The following TCF7 variants were observed in gnomAD, a reference collection of about 807,000 sequenced individuals.
TCF7 encodes T-cell-factor-7.
TCF7 carries 19 observed loss-of-function variants against 46.8 expected under a neutral mutation model. The observed-to-expected ratio is 0.41, with a 90% CI of 0.28 to 0.60. TCF7 has a LOEUF of 0.60. Among genes scored for constraint, TCF7 ranks in the 20% least tolerant of loss-of-function variants. The pLI, the probability that TCF7 is intolerant of heterozygous loss-of-function variation, is 0.35. For synonymous variants in TCF7, 245 were observed against 213.4 expected (o/e 1.15, Z -1.29); for missense variants, 547 against 504.6 (o/e 1.08, Z -0.81).
chr5:134,110,329 G>T (rs574103743), upstream of TCF7, among the ~76,000 whole-genome samples: 10 of 152,332 alleles, frequency 6.6e-5, 1 homozygote, highest in South Asian at 2.1e-3. Context: ...ACCCACAGAA[G>T]AGTCCTTCCT....
At chr5:134,124,214 A>G (rs563754623) in intron 3 of TCF7, among the ~76,000 whole-genome samples, 1 of 152,072 alleles carries the variant, frequency 6.6e-6, no homozygotes, top group African/African-American at 2.4e-5. Flanking sequence ...AAACCAGGAC[A>G]TTGTCAGCTT....
chr5:134,125,136 C>T (rs897887031), intron 3 of TCF7, among the ~76,000 whole-genome samples: 2 of 152,160 alleles, frequency 1.3e-5, no homozygotes, highest in Admixed American at 1.3e-4. Context: ...CCCCACCAGG[C>T]AAGAAGGGGT....
chr5:134,109,912 C>T (rs1405482813), upstream of TCF7, among the ~76,000 whole-genome samples: 2 of 152,200 alleles, frequency 1.3e-5, no homozygotes, highest in African/African-American at 2.4e-5. Context: ...CTGGCACTCC[C>T]GACCCCTTGG....
intron 4 of TCF7, chr5:134,138,575 T>G: frequency 3.6e-6 from 1 of 279,340 alleles, no homozygotes; most frequent in Non-Finnish European, 6.8e-6. Flanking sequence ...GACTCAACCC[T>G]GGGGGGCAGG....
At position 134,145,910 on chromosome 5, in the gene TCF7, T is replaced by C. The variant is rs1760627039; in HGVS notation, c.1076-314T>C. 8 of 1,532,610 alleles carry C rather than the reference T, an allele frequency of 5.2e-6. No homozygotes were observed. In the South Asian group the frequency reaches 9.7e-5, roughly 19 times the overall value. 94.9% of individuals were successfully genotyped at this position (1,532,610 alleles called of 1,614,324 possible). A position where few individuals can be genotyped will look rare whatever the true frequency, so the allele number is the denominator to read the frequency against. ...GTCCCACAAACACATCTGGAGAAGC[T>C]CAAAGGCCGGGACTGGGAGATGACT... On this transcript the variant is annotated intron_variant, in intron 9 of 9. Transcript: ENST00000342854.
chr5:134,146,004 GC>G lies in TCF7; in HGVS notation c.1076-216del, dbSNP rs1406058360. The G allele has an allele frequency of 8.1e-6, 12 of 1,484,462 alleles. No homozygotes were observed. In the South Asian group the frequency reaches 1.4e-4, roughly 17 times the overall value. 92.0% of individuals were successfully genotyped at this position (1,484,462 alleles called of 1,614,324 possible). A position where few individuals can be genotyped will look rare whatever the true frequency, so the allele number is the denominator to read the frequency against. On this transcript the variant is annotated intron_variant, in intron 9 of 9. Coordinates refer to ENST00000342854, the MANE Select transcript of TCF7 (RefSeq NM_003202.5). ...CAGCCCATAGGCCTAGTGACAAAAG[GC>G]CCCTTTGCCACCTTGTGGCTGTTCT...
chr5:134,121,015 C>T (rs540913854), intron 3 of TCF7, among the ~76,000 whole-genome samples: 23 of 152,260 alleles, frequency 1.5e-4, no homozygotes, highest in African/African-American at 4.6e-4. Context: ...GTGGGCCCCA[C>T]GTGGACTTGG....
chr5:134,136,942 A>G (rs1758948413), intron 3 of TCF7, among the ~76,000 whole-genome samples: 1 of 152,146 alleles, frequency 6.6e-6, no homozygotes, highest in Non-Finnish European at 1.5e-5. Flanking sequence ...GGGCTTTTCA[A>G]AGTGGGAAGT....
At chr5:134,108,266 C>T in the TCF7 span, among the ~76,000 whole-genome samples, 1 of 152,216 alleles carries the variant, frequency 6.6e-6, no homozygotes, top group African/African-American at 2.4e-5. Context: ...TGAAGAAACA[C>T]ATTGGACCAT....
Position 134,142,218 on chromosome 5 carries a change from T to G in TCF7, c.669T>G (p.Gly223=), listed in dbSNP as rs766688020. The G allele has an allele frequency of 3.7e-6, 6 of 1,613,754 alleles. No individual in the cohort carries two copies. Among genetic ancestry groups the G allele is most frequent in the Non-Finnish European group, 4.2e-6 (5 of 1,179,780 alleles). ...ACCCATCCTTGATGCTAGGTTCTGG[T>G]GTACCTGGTCACCCAGCAGCCATCC... is the stretch of plus-strand genomic sequence containing the variant. ...FTHPSLMLGS[G]VPGHPAAIPH... is the part of the protein sequence containing the mutation. Residue 223 remains glycine (G), a synonymous_variant, in exon 6 of 10, where the codon GGT becomes GGG. Coordinates refer to ENST00000342854, the MANE Select transcript of TCF7 (RefSeq NM_003202.5).
intron 3 of TCF7, among the ~76,000 whole-genome samples, chr5:134,117,355 C>T (rs144745105): frequency 3.9e-5 from 6 of 152,176 alleles, no homozygotes; most frequent in Admixed American, 6.5e-5. Context: ...AACAAAGATG[C>T]GTTTTGGATC....
Position 134,114,952 on chromosome 5 carries a change from G to T in TCF7, c.46G>T (p.Asp16Tyr). 2.6e-6 allele frequency: 3 copies of T among 1,137,196 alleles called. No homozygotes were observed. The highest frequency in any genetic ancestry group is 2.1e-5 in the South Asian group (1 of 48,748). 70.4% of individuals were successfully genotyped at this position (1,137,196 alleles called of 1,614,324 possible). The change falls in exon 1 of 10, where the codon GAC becomes TAC. Residue 16 changes from aspartate (D) to tyrosine (Y), a missense_variant. Asp to Tyr is a radical substitution (Grantham distance 160, BLOSUM62 -3). Transcript: ENST00000342854. ...CGGGGGCGGCGCGGGCGGCGGCGAC[G>T]ACCTCGGCGCGCCGGACGAGCTGCT... ...SGGGGAGGGD[D>Y]LGAPDELLAF...
At position 134,143,585 on chromosome 5, in the gene TCF7, C is replaced by T. The variant is rs760825084; in HGVS notation, c.1027-7C>T. 6.2e-7 allele frequency: 1 copy of T among 1,614,122 alleles called. No individual in the cohort carries two copies. The highest frequency in any genetic ancestry group is 8.5e-7 in the Non-Finnish European group (1 of 1,180,010). On this transcript the variant is annotated splice_region_variant and splice_polypyrimidine_tract_variant and intron_variant, in intron 8 of 9. Coordinates refer to ENST00000342854, the MANE Select transcript of TCF7 (RefSeq NM_003202.5). The stretch of plus-strand genomic sequence containing the variant: ...GATCTGAGCATCCCTCCTTTTGTTC[C>T]CTGCAGGGGAAGAAGAAGAGGCGGT...
upstream of TCF7, among the ~76,000 whole-genome samples, chr5:134,111,421 A>AG (rs1432339915): frequency 6.6e-6 from 1 of 152,130 alleles, no homozygotes; most frequent in Non-Finnish European, 1.5e-5. Context: ...GGTCACCTCC[A>AG]GGGGGGCAAC....
At position 134,138,896 on chromosome 5, in the gene TCF7, T is replaced by G. The variant is rs1759299639; in HGVS notation, c.548-55T>G. The G allele has an allele frequency of 3.1e-6, 5 of 1,606,102 alleles. No individual in the cohort carries two copies. In the South Asian group the frequency reaches 3.3e-5, roughly 11 times the overall value. ...GGAGGTTCTAGGATGCAGTAACTGCTGATATGGCCTGCCAGGTCAGGCTAG... is the reference window on the plus strand; with the variant it reads ...GGAGGTTCTAGGATGCAGTAACTGCGGATATGGCCTGCCAGGTCAGGCTAG... On this transcript the variant is annotated intron_variant, in intron 4 of 9. Coordinates refer to ENST00000342854, the MANE Select transcript of TCF7 (RefSeq NM_003202.5).
At chr5:134,111,400 T>C (rs1261592191), upstream of TCF7, among the ~76,000 whole-genome samples, 6 of 152,180 alleles carry the variant, frequency 3.9e-5, no homozygotes, top group Admixed American at 3.3e-4. Flanking sequence ...GTCCTGGTCC[T>C]GAAACTCCCC....
chr5:134,129,983 C>T (rs1186803143), intron 3 of TCF7, among the ~76,000 whole-genome samples: 1 of 152,244 alleles, frequency 6.6e-6, no homozygotes, highest in East Asian at 1.9e-4. Context: ...CGCATCCACA[C>T]TCTGTGCTTT....
chr5:134,115,825 A>G (rs1056213620), intron 2 of TCF7, 84 bp from the exon 3 acceptor site: 3 of 1,590,624 alleles, frequency 1.9e-6, no homozygotes, highest in African/African-American at 1.3e-5. Flanking sequence ...CCCCTTGGCA[A>G]TTCTTTTTCT....
chr5:134,141,973 C>CAATCT (rs1348186959), intron 5 of TCF7: 1 of 527,744 alleles, frequency 1.9e-6, no homozygotes, highest in African/African-American at 1.9e-5. Context: ...ATCTGAATGG[C>CAATCT]AATCTATGTA....
Sources: allele counts gnomAD v4.1 joint callset (sites outside exome capture counted in the v4.1 genomes callset), GRCh38; gene constraint gnomAD v4.1.1; transcripts MANE v1.5; gene names NCBI Gene and HGNC (gene_info 2026-07-23, HGNC 2026-07-21).